The following UQCR10 variants were observed in gnomAD, a reference collection of about 807,000 sequenced individuals.
UQCR10 encodes the protein cytochrome b-c1 complex subunit 9.
UQCR10 carries 5 observed loss-of-function variants against 6.0 expected under a neutral mutation model. The observed-to-expected ratio is 0.83, with a 90% CI of 0.43 to 1.74. UQCR10 has a LOEUF of 1.74. Among genes scored for constraint, UQCR10 ranks in the 40% most tolerant of loss-of-function variants. The probability of loss-of-function intolerance (pLI) is 0.02; values close to 1 mark genes in which losing one functional copy is unlikely to be tolerated. For synonymous variants in UQCR10, 40 were observed against 37.4 expected (o/e 1.07, Z -0.26); for missense variants, 101 against 85.1 (o/e 1.19, Z -0.74).
rs1020082516 is a variant in UQCR10, at chr22:29,769,785, G to A, written c.*66G>A. Reference sequence around the variant, plus strand: ...ACCCAGCAGCTGTTTGCCCAGAGCTGGAGCCTCAGCTTGAAGATGATGCTC... The same window carrying A: ...ACCCAGCAGCTGTTTGCCCAGAGCTAGAGCCTCAGCTTGAAGATGATGCTC... On this transcript the variant is annotated 3_prime_UTR_variant, in exon 2 of 2. Transcript: ENST00000330029. The A allele has an allele frequency of 2.6e-5, 40 of 1,552,422 alleles. No homozygotes were observed. The highest frequency in any genetic ancestry group is 3.2e-5 in the Non-Finnish European group (37 of 1,140,140).
rs1422711809 is a variant in UQCR10, at chr22:29,770,187, A to G, written c.*468A>G. 1 of 357,742 alleles carries G rather than the reference A, an allele frequency of 2.8e-6. No homozygotes were observed. The highest frequency in any genetic ancestry group is 5.5e-6 in the Non-Finnish European group (1 of 182,978). 22.2% of individuals were successfully genotyped at this position (357,742 alleles called of 1,614,324 possible). A position where few individuals can be genotyped will look rare whatever the true frequency, so the allele number is the denominator to read the frequency against. On this transcript the variant is annotated 3_prime_UTR_variant, in exon 2 of 2. Coordinates refer to ENST00000330029, the MANE Select transcript of UQCR10 (RefSeq NM_013387.4). ...ATACCTCACTGTCTTGGCCATGGGG[A>G]AGCACTATGGCCTCAGCTGGGGGAA...
Position 29,769,760 on chromosome 22 carries a change from A to C in UQCR10, c.*41A>C, listed in dbSNP as rs1176484547. On this transcript the variant is annotated 3_prime_UTR_variant, in exon 2 of 2. Coordinates refer to ENST00000330029, the MANE Select transcript of UQCR10 (RefSeq NM_013387.4). ...CATCCAGGCCAGAAGGACCAGGTCC[A>C]CCCAGCAGCTGTTTGCCCAGAGCTG... The C allele has an allele frequency of 1.9e-6, 3 of 1,592,104 alleles. No individual in the cohort carries two copies. Among genetic ancestry groups the C allele is most frequent in the Non-Finnish European group, 2.6e-6 (3 of 1,169,244 alleles).
intron 1 of UQCR10, 111 bp downstream of exon 1, chr22:29,767,659 G>A (rs2068232800): frequency 6.9e-7 from 1 of 1,445,854 alleles, no homozygotes; most frequent in Non-Finnish European, 9.2e-7. Flanking sequence ...GGGGTAAACC[G>A]TCGGCGTCTT....
At chr22:29,769,101 G>A (rs1211699949) in intron 1 of UQCR10, among the ~76,000 whole-genome samples, 1 of 152,118 alleles carries the variant, frequency 6.6e-6, no homozygotes, top group African/African-American at 2.4e-5. Context: ...GTGTTTTGGG[G>A]CACTTCCCTC....
chr22:29,767,578 A>G, intron 1 of UQCR10, 30 bp downstream of exon 1: 3 of 1,517,980 alleles, frequency 2.0e-6, no homozygotes, highest in Non-Finnish European at 2.7e-6. Context: ...CTGACCTTGG[A>G]CCCGCCTGAG....
In UQCR10 at chr22:29,767,397, A is replaced by T; in HGVS notation, c.-2A>T. On this transcript the variant is annotated 5_prime_UTR_variant, in exon 1 of 2. Coordinates refer to ENST00000330029, the MANE Select transcript of UQCR10 (RefSeq NM_013387.4). ...GTGGCGCGAGTTGGACTGTGAAGAA[A>T]CATGGCGGCCGCGACGTTGACTTCG... 1 of 1,612,620 alleles carries T rather than the reference A, an allele frequency of 6.2e-7. No homozygotes were observed. The highest frequency in any genetic ancestry group is 8.5e-7 in the Non-Finnish European group (1 of 1,179,378).
At chr22:29,769,586 C>T (rs907999995) in intron 1 of UQCR10, 92 bp from the exon 2 acceptor site, 2 of 1,403,538 alleles carry the variant, frequency 1.4e-6, no homozygotes, top group Non-Finnish European at 2.0e-6. Context: ...TGTGTTTCCC[C>T]CAAGCTCATT....
Position 29,769,731 on chromosome 22 carries a change from C to T in UQCR10, c.*12C>T. 2 of 1,605,378 alleles carry T rather than the reference C, an allele frequency of 1.2e-6. No individual in the cohort carries two copies. Among genetic ancestry groups the T allele is most frequent in the South Asian group, 2.2e-5 (2 of 89,132 alleles). On this transcript the variant is annotated 3_prime_UTR_variant, in exon 2 of 2. Transcript: ENST00000330029. Reference sequence around the variant, plus strand: ...ATGAGAACAAGTAGTTCCTTGGAGGCCCCCATCCAGGCCAGAAGGACCAGG... The same window carrying T: ...ATGAGAACAAGTAGTTCCTTGGAGGTCCCCATCCAGGCCAGAAGGACCAGG...
chr22:29,770,201 C>T lies in UQCR10; in HGVS notation c.*482C>T, dbSNP rs1264749976. The T allele has an allele frequency of 5.6e-6, 2 of 354,336 alleles. No individual in the cohort carries two copies. Among genetic ancestry groups the T allele is most frequent in the Non-Finnish European group, 1.1e-5 (2 of 180,754 alleles). 21.9% of individuals were successfully genotyped at this position (354,336 alleles called of 1,614,324 possible). On this transcript the variant is annotated 3_prime_UTR_variant, in exon 2 of 2. Coordinates refer to ENST00000330029, the MANE Select transcript of UQCR10 (RefSeq NM_013387.4). Reference sequence around the variant, plus strand: ...TGGCCATGGGGAAGCACTATGGCCTCAGCTGGGGGAAAGACCCTGGCCTAG... The same window carrying T: ...TGGCCATGGGGAAGCACTATGGCCTTAGCTGGGGGAAAGACCCTGGCCTAG...
rs752575349 is a variant in UQCR10 at position 29,769,930 on chromosome 22, G to C, written c.*211G>C. The stretch of plus-strand genomic sequence containing the variant: ...TAGTCAGCATGCTCAGGAAATAAAT[G>C]TGAATTGCCCTTGAGACCTGCTTCT... On this transcript the variant is annotated 3_prime_UTR_variant, in exon 2 of 2. Coordinates refer to ENST00000330029, the MANE Select transcript of UQCR10 (RefSeq NM_013387.4). The C allele has an allele frequency of 7.1e-6, 5 of 706,114 alleles. No homozygotes were observed. In the South Asian group the frequency reaches 7.5e-5, roughly 11 times the overall value. 43.7% of individuals were successfully genotyped at this position (706,114 alleles called of 1,614,324 possible).
At chr22:29,769,654 G>A (rs1322840543) in intron 1 of UQCR10, 24 bp from the exon 2 acceptor site, 5 of 1,416,616 alleles carry the variant, frequency 3.5e-6, no homozygotes, top group East Asian at 2.2e-5. Context: ...GTCAAAGTTT[G>A]TGGCTCTTGT....
Position 29,769,927 on chromosome 22 carries a change from A to C in UQCR10, c.*208A>C. The C allele has an allele frequency of 1.4e-6, 1 of 710,240 alleles. No individual in the cohort carries two copies. Among genetic ancestry groups the C allele is most frequent in the Non-Finnish European group, 2.5e-6 (1 of 393,104 alleles). 44.0% of individuals were successfully genotyped at this position (710,240 alleles called of 1,614,324 possible). A position where few individuals can be genotyped will look rare whatever the true frequency, so the allele number is the denominator to read the frequency against. The stretch of plus-strand genomic sequence containing the variant: ...GTTTAGTCAGCATGCTCAGGAAATA[A>C]ATGTGAATTGCCCTTGAGACCTGCT... On this transcript the variant is annotated 3_prime_UTR_variant, in exon 2 of 2. Coordinates refer to ENST00000330029, the MANE Select transcript of UQCR10 (RefSeq NM_013387.4).
intron 1 of UQCR10, among the ~76,000 whole-genome samples, chr22:29,768,624 T>G (rs1172717538): frequency 6.7e-6 from 1 of 148,328 alleles, no homozygotes; most frequent in African/African-American, 2.6e-5. Flanking sequence ...TGTGCTTTTT[T>G]TTGTTTTGTT....
At chr22:29,768,194 A>T (rs1483238826) in intron 1 of UQCR10, among the ~76,000 whole-genome samples, 1 of 152,202 alleles carries the variant, frequency 6.6e-6, no homozygotes, top group Non-Finnish European at 1.5e-5. Flanking sequence ...ATTACATGAG[A>T]TGCAGGCAGG....
intron 1 of UQCR10, among the ~76,000 whole-genome samples, chr22:29,768,249 C>T (rs2068238226): frequency 2.0e-5 from 3 of 152,252 alleles, no homozygotes; most frequent in African/African-American, 7.2e-5. Context: ...ATAATCATTG[C>T]TTACATTCCT....
Position 29,767,477 on chromosome 22 carries a change from G to T in UQCR10, c.79G>T (p.Val27Leu), listed in dbSNP as rs1241238334. Residue 27 changes from valine to leucine, a missense_variant, in exon 1 of 2, where the codon GTG becomes TTG. Transcript: ENST00000330029. ...CTCCACCTTCGCCCTCACCATCATC[G>T]TGGGCGTCATGTTCTTCGAGCGCGC... is the stretch of plus-strand genomic sequence containing the variant. The part of the protein sequence containing the change: ...RTSTFALTII[V>L]GVMFFERAFD... The T allele has an allele frequency of 1.2e-6, 2 of 1,614,004 alleles. No homozygotes were observed. Among genetic ancestry groups the T allele is most frequent in the South Asian group, 1.1e-5 (1 of 91,090 alleles).
At position 29,770,254 on chromosome 22, in the gene UQCR10, T is replaced by A. The variant is rs1204609455; in HGVS notation, c.*535T>A. On this transcript the variant is annotated 3_prime_UTR_variant, in exon 2 of 2. Transcript: ENST00000330029. ...GTCTTAGCCACTCCCCACCCTAGGG[T>A]ATAGTTCAGGGGTATCCAATCCTTT... is the stretch of plus-strand genomic sequence containing the variant. 1 of 338,130 alleles carries A rather than the reference T, an allele frequency of 3.0e-6. No individual in the cohort carries two copies. Among genetic ancestry groups the A allele is most frequent in the East Asian group, 7.5e-5 (1 of 13,278 alleles). 20.9% of individuals were successfully genotyped at this position (338,130 alleles called of 1,614,324 possible).
At position 29,767,449 on chromosome 22, in the gene UQCR10, G is replaced by A; in HGVS notation, c.51G>A (p.Arg17=). Residue 17 remains arginine, a synonymous_variant, in exon 1 of 2, where the codon AGG becomes AGA. Transcript: ENST00000330029. ...TSKLYSLLFR[R]TSTFALTIIV... ...AATTGTACTCCCTGCTGTTCCGCAG[G>A]ACCTCCACCTTCGCCCTCACCATCA... The A allele has an allele frequency of 1.2e-6, 2 of 1,613,976 alleles. No individual in the cohort carries two copies. Among genetic ancestry groups the A allele is most frequent in the Non-Finnish European group, 1.7e-6 (2 of 1,179,878 alleles).
rs377432442 is a variant in UQCR10 at position 29,767,510 on chromosome 22, C to A, written c.112C>A (p.Gln38Lys). The stretch of plus-strand genomic sequence containing the variant: ...CATGTTCTTCGAGCGCGCCTTCGAT[C>A]AAGGCGCGGACGCTATCTACGACCA... ...GVMFFERAFD[Q>K]GADAIYDHIN... is the part of the protein sequence containing the mutation. The change falls in exon 1 of 2, where the codon CAA becomes AAA. Residue 38 changes from glutamine to lysine, a missense_variant. By Grantham distance (53) the Gln-to-Lys change is moderately conservative. Transcript: ENST00000330029. 6.2e-7 allele frequency: 1 copy of A among 1,613,978 alleles called. No individual in the cohort carries two copies. The highest frequency in any genetic ancestry group is 8.5e-7 in the Non-Finnish European group (1 of 1,179,882).
Sources: gnomAD v4.1 joint callset for allele counts (sites outside exome capture counted in the v4.1 genomes callset) on GRCh38, gnomAD v4.1.1 for gene constraint, MANE v1.5 for transcripts, NCBI Gene and HGNC (gene_info 2026-07-23, HGNC 2026-07-21) for gene names.